Variants in RAI1 observed in about 807,000 individuals in gnomAD.
RAI1 encodes the protein retinoic acid induced 1.
In RAI1, 9 loss-of-function variants were observed where a neutral mutation model predicts 123.8. The observed-to-expected ratio is 0.07, with a 90% confidence interval of 0.04 to 0.13. The LOEUF is 0.13. Among genes scored for constraint, RAI1 ranks in the 10% least tolerant of loss-of-function variants. RAI1 has a pLI of 1.00. For missense variants in RAI1, 2,256 were observed against 2,545.8 expected (o/e 0.89, Z 2.45); for synonymous variants, 1,231 against 1,127.3 (o/e 1.09, Z -1.84).
chr17:17,713,369 G>C (rs891785224), intron 1 of RAI1, among the ~76,000 whole-genome samples: 1 of 152,192 alleles, frequency 6.6e-6, no homozygotes, highest in South Asian at 2.1e-4. Flanking sequence ...GCCAGCTGCA[G>C]TGGCTCATGC....
chr17:17,739,865 G>A (rs1247721782), intron 2 of RAI1, among the ~76,000 whole-genome samples: 2 of 152,184 alleles, frequency 1.3e-5, no homozygotes, highest in Admixed American at 1.3e-4. Flanking sequence ...AGTGGGCCAC[G>A]GGGGCTGACC....
chr17:17,769,853 A>C (rs868723878), intron 2 of RAI1, among the ~76,000 whole-genome samples: 2 of 150,380 alleles, frequency 1.3e-5, no homozygotes, highest in Non-Finnish European at 3.0e-5. Context: ...GCTGCAGTGG[A>C]GACTGAAGAG....
Position 17,811,187 on chromosome 17 carries a change from A to G in RAI1, c.*1206A>G, listed in dbSNP as rs1406841258. 3 of 320,582 alleles carry G rather than the reference A, an allele frequency of 9.4e-6. No individual in the cohort carries two copies. Among genetic ancestry groups the G allele is most frequent in the African/African-American group, 4.5e-5 (2 of 44,848 alleles). 19.9% of individuals were successfully genotyped at this position (320,582 alleles called of 1,614,324 possible). Reference sequence around the variant, plus strand: ...GCCCTAGCAACTTCCTGTACATATGACTGTAAAATGGTAAACGTGTGTATT... The same window carrying G: ...GCCCTAGCAACTTCCTGTACATATGGCTGTAAAATGGTAAACGTGTGTATT... On this transcript the variant is annotated 3_prime_UTR_variant, in exon 6 of 6. Coordinates refer to ENST00000353383, the MANE Select transcript of RAI1 (RefSeq NM_030665.4).
In RAI1 at chr17:17,794,717, G is replaced by A; in HGVS notation, c.1769G>A (p.Gly590Asp). ...PLDSFSKFVA[G>D]ERDCPRLLLS... is the part of the protein sequence containing the mutation. Reference sequence around the variant, plus strand: ...GACAGCTTCTCCAAGTTCGTGGCGGGTGAGCGGGACTGTCCGCGGCTGCTG... The same window carrying A: ...GACAGCTTCTCCAAGTTCGTGGCGGATGAGCGGGACTGTCCGCGGCTGCTG... Residue 590 changes from glycine to aspartate, a missense_variant, in exon 3 of 6, where the codon GGT becomes GAT. Physicochemically the swap from Gly to Asp is moderately conservative, Grantham distance 94. Around this residue, in one of 7 missense-constraint regions of RAI1, gnomAD observed 357 missense variants for 480.2 expected, o/e 0.74. Coordinates refer to ENST00000353383, the MANE Select transcript of RAI1 (RefSeq NM_030665.4). The A allele has an allele frequency of 1.2e-6, 2 of 1,611,692 alleles. No individual in the cohort carries two copies. The highest frequency in any genetic ancestry group is 1.7e-6 in the Non-Finnish European group (2 of 1,180,026).
At chr17:17,790,866 G>A (rs2031989051) in intron 2 of RAI1, among the ~76,000 whole-genome samples, 1 of 152,168 alleles carries the variant, frequency 6.6e-6, no homozygotes, top group Non-Finnish European at 1.5e-5. Context: ...GTGGCAGTCT[G>A]GCCAGGGCAG....
chr17:17,801,501 A>G lies in RAI1; in HGVS notation c.5566-2255A>G, dbSNP rs58937709. 0.012 allele frequency among the ~76,000 whole-genome samples: 1,877 copies of G among 152,224 alleles called. 39 individuals carry two copies. The highest frequency in any genetic ancestry group is 0.043 in the African/African-American group (1,776 of 41,530). On this transcript the variant is annotated intron_variant, in intron 3 of 5. Coordinates refer to ENST00000353383, the MANE Select transcript of RAI1 (RefSeq NM_030665.4). This position sits in a 1 kb window ranked among gnomAD's most constrained non-coding sequence, Gnocchi z 4.1. ...AAGCCTTCAGCCAGAGGACCCCCAT[A>G]TGCTTAAACATCCAGACACCAAGGG...
At chr17:17,768,474 G>A (rs990309409) in intron 2 of RAI1, among the ~76,000 whole-genome samples, 1 of 152,218 alleles carries the variant, frequency 6.6e-6, no homozygotes, top group Non-Finnish European at 1.5e-5. Flanking sequence ...GAGGGTGAAG[G>A]CAGGACTGAA....
At chr17:17,783,815 A>G (rs1047773294) in intron 2 of RAI1, among the ~76,000 whole-genome samples, 5 of 152,162 alleles carry the variant, frequency 3.3e-5, no homozygotes, top group African/African-American at 1.2e-4. Flanking sequence ...GCCTAGTCGC[A>G]GACCCTAATT....
At chr17:17,682,179 C>T (rs1171087778) in intron 1 of RAI1, among the ~76,000 whole-genome samples, 7 of 147,282 alleles carry the variant, frequency 4.8e-5, no homozygotes, top group Non-Finnish European at 1.1e-4. Flanking sequence ...ATTCGCGGGG[C>T]GCCGGGGGCG....
intron 2 of RAI1, among the ~76,000 whole-genome samples, chr17:17,765,058 G>T (rs2030869209): frequency 6.6e-6 from 1 of 152,226 alleles, no homozygotes; most frequent in Admixed American, 6.5e-5. Context: ...GCTTGCGCCT[G>T]TATTCCCAGC....
intron 2 of RAI1, among the ~76,000 whole-genome samples, chr17:17,738,079 G>T (rs1916495559): frequency 6.6e-6 from 1 of 152,120 alleles, no homozygotes; most frequent in African/African-American, 2.4e-5. Context: ...CAAGGAGGCA[G>T]GGTCAAGGGG....
At chr17:17,730,203 C>T (rs755817454) in intron 2 of RAI1, among the ~76,000 whole-genome samples, 9 of 152,248 alleles carry the variant, frequency 5.9e-5, no homozygotes, top group Non-Finnish European at 1.0e-4. Context: ...ATCTGCCTTC[C>T]TCCTAAATAT....
At chr17:17,712,753 C>CCT (rs1482543768) in intron 1 of RAI1, among the ~76,000 whole-genome samples, 1 of 152,188 alleles carries the variant, frequency 6.6e-6, no homozygotes, top group Non-Finnish European at 1.5e-5. Context: ...TGTGGTCAAG[C>CCT]CTCTCCATGG....
At chr17:17,745,145 C>T (rs941831717) in intron 2 of RAI1, among the ~76,000 whole-genome samples, 5 of 152,080 alleles carry the variant, frequency 3.3e-5, no homozygotes, top group East Asian at 1.9e-4. Flanking sequence ...GAATGGGGAT[C>T]GGGGAACCTT....
intron 2 of RAI1, among the ~76,000 whole-genome samples, chr17:17,754,747 T>TG (rs1305073629): frequency 6.6e-6 from 1 of 152,182 alleles, no homozygotes; most frequent in East Asian, 1.9e-4. Flanking sequence ...GGGCAGTGGT[T>TG]GGGGGGCTGC....
chr17:17,755,810 C>A (rs761538152), intron 2 of RAI1, among the ~76,000 whole-genome samples: 2 of 152,218 alleles, frequency 1.3e-5, no homozygotes. Flanking sequence ...CCGGCCTACA[C>A]CCTGTCAAGC....
chr17:17,783,977 C>G (rs1173574922), intron 2 of RAI1, among the ~76,000 whole-genome samples: 2 of 152,192 alleles, frequency 1.3e-5, no homozygotes, highest in African/African-American at 2.4e-5. Context: ...TTCCTCCTCT[C>G]TCTCTCCCCT....
In RAI1 at chr17:17,808,385, TA is replaced by T. The variant is rs1252393613; in HGVS notation, c.5660-1004del. 1.5e-3 allele frequency among the ~76,000 whole-genome samples: 189 copies of T among 122,732 alleles called. 1 individual carries two copies. The highest frequency in any genetic ancestry group is 6.8e-3 in the African/African-American group (183 of 26,802). 80.5% of individuals were successfully genotyped at this position (122,732 alleles called of 152,430 possible). On this transcript the variant is annotated intron_variant, in intron 4 of 5. Coordinates refer to ENST00000353383, the MANE Select transcript of RAI1 (RefSeq NM_030665.4). ...TTTTATTTTATTTTATATTTTATTT[TA>T]TTATTTTATTTTATTTTATTTTATT...
intron 1 of RAI1, among the ~76,000 whole-genome samples, chr17:17,682,862 G>C (rs1914488009): frequency 6.6e-6 from 1 of 152,188 alleles, no homozygotes; most frequent in Non-Finnish European, 1.5e-5. Flanking sequence ...GGGCGCGGCG[G>C]GCCTCGGGCT....
Sources: allele counts gnomAD v4.1 joint callset (sites outside exome capture counted in the v4.1 genomes callset), GRCh38; gene constraint gnomAD v4.1.1; regional missense constraint gnomAD v4.1.1; non-coding constraint Gnocchi (gnomAD v3.1); transcripts MANE v1.5; gene names NCBI Gene and HGNC (gene_info 2026-07-23, HGNC 2026-07-21).